The following MMP16 variants were observed in gnomAD, a reference collection of about 807,000 sequenced individuals.
MMP16 encodes matrix metalloproteinase-16.
MMP16 carries 12 observed loss-of-function variants against 67.8 expected under a neutral mutation model. The ratio of observed to expected loss-of-function variants is 0.18; its 90% CI spans 0.11 to 0.29. The LOEUF is 0.29. Ranked by LOEUF, MMP16 falls within the 10% of genes least tolerant of loss-of-function variation. The pLI, the probability that MMP16 is intolerant of heterozygous loss-of-function variation, is 1.00. For synonymous variants in MMP16, 249 were observed against 255.9 expected (o/e 0.97, Z 0.26); for missense variants, 475 against 765.7 (o/e 0.62, Z 4.48).
intron 7 of MMP16, among the ~76,000 whole-genome samples, chr8:88,059,967 A>G (rs1341099374): frequency 6.6e-6 from 1 of 151,646 alleles, no homozygotes; most frequent in Admixed American, 6.6e-5. Context: ...TGAAAGAGAA[A>G]AGAGAATGAG....
chr8:88,281,680 G>T (rs1810739978), intron 1 of MMP16, among the ~76,000 whole-genome samples: 1 of 152,162 alleles, frequency 6.6e-6, no homozygotes, highest in Non-Finnish European at 1.5e-5. Context: ...CTAGCCACAG[G>T]TAGCTGTCCC....
intron 1 of MMP16, among the ~76,000 whole-genome samples, chr8:88,215,183 A>T (rs2129828653): frequency 6.6e-6 from 1 of 152,132 alleles, no homozygotes; most frequent in African/African-American, 2.4e-5. Context: ...CAAAAAAATT[A>T]GCTGGGCGTG....
rs148256594 is a variant in MMP16 at position 88,298,755 on chromosome 8, C to T, written c.132+28320G>A. ...GCATGAATATATCTTTTCAATTTGG[C>T]GCTATTCTGTGATTAGCTACATAAT... On this transcript the variant is annotated intron_variant, in intron 1 of 9. Coordinates refer to ENST00000286614, the MANE Select transcript of MMP16 (RefSeq NM_005941.5). Among the ~76,000 whole-genome samples the T allele has an allele frequency of 6.3e-3, 966 of 152,158 alleles. 6 individuals carry two copies. The highest frequency in any genetic ancestry group is 0.022 in the African/African-American group (907 of 41,502).
chr8:88,034,166 T>C lies in MMP16; in HGVS notation c.*7295A>G, dbSNP rs1310610587. The C allele has an allele frequency of 6.6e-6, 1 of 151,486 alleles. No individual in the cohort carries two copies. The highest frequency in any genetic ancestry group is 1.9e-4 in the East Asian group (1 of 5,162). The allele number at this position is 151,486 out of a possible 1,614,324, so 9.4% of individuals were successfully genotyped here. On this transcript the variant is annotated 3_prime_UTR_variant, in exon 10 of 10. Coordinates refer to ENST00000286614, the MANE Select transcript of MMP16 (RefSeq NM_005941.5). ...AATACTGAGGAACAAAGACATTTCC[T>C]GGGTACCATCTCTGATGTACAATGC...
At chr8:88,290,874 C>T (rs749035633) in intron 1 of MMP16, among the ~76,000 whole-genome samples, 1 of 152,130 alleles carries the variant, frequency 6.6e-6, no homozygotes, top group Non-Finnish European at 1.5e-5. Flanking sequence ...ATATGATTTA[C>T]TCATATTTTA....
intron 6 of MMP16, among the ~76,000 whole-genome samples, chr8:88,104,834 G>T (rs1056684109): frequency 2.0e-5 from 3 of 150,862 alleles, no homozygotes; most frequent in Non-Finnish European, 3.0e-5. Context: ...GTGAGTGTTT[G>T]TGTCTTAGTT....
At chr8:88,048,355 C>A (rs1043078166) in intron 8 of MMP16, among the ~76,000 whole-genome samples, 1 of 152,154 alleles carries the variant, frequency 6.6e-6, no homozygotes, top group African/African-American at 2.4e-5. Context: ...TTCCAAGGAA[C>A]AAATTGTGAA....
At chr8:88,064,619 A>G (rs1219536550) in intron 7 of MMP16, among the ~76,000 whole-genome samples, 1 of 152,120 alleles carries the variant, frequency 6.6e-6, no homozygotes, top group African/African-American at 2.4e-5. Flanking sequence ...TGTCCCAATA[A>G]ATGGTTATAA....
chr8:88,052,526 C>A (rs1487346179), intron 8 of MMP16, among the ~76,000 whole-genome samples: 1 of 152,176 alleles, frequency 6.6e-6, no homozygotes, highest in African/African-American at 2.4e-5. Flanking sequence ...TAGAAGCCAG[C>A]ACAATCTGTG....
intron 1 of MMP16, among the ~76,000 whole-genome samples, chr8:88,291,223 G>A (rs1433692393): frequency 1.3e-5 from 2 of 152,116 alleles, no homozygotes; most frequent in Admixed American, 1.3e-4. Flanking sequence ...CAAGGTTGCA[G>A]TGAGCCATGA....
intron 1 of MMP16, among the ~76,000 whole-genome samples, chr8:88,305,690 G>C (rs1490200985): frequency 6.6e-6 from 1 of 152,148 alleles, no homozygotes; most frequent in Non-Finnish European, 1.5e-5. Context: ...AATGACTTTG[G>C]GGTAAATAAC....
chr8:88,285,268 T>A (rs1810809438), intron 1 of MMP16, among the ~76,000 whole-genome samples: 1 of 151,930 alleles, frequency 6.6e-6, no homozygotes, highest in South Asian at 2.1e-4. Flanking sequence ...GCCTCCCGAG[T>A]AGCTGGGATT....
At chr8:88,045,349 T>C (rs920615462) in intron 9 of MMP16, among the ~76,000 whole-genome samples, 1 of 151,986 alleles carries the variant, frequency 6.6e-6, no homozygotes, top group African/African-American at 2.4e-5. Flanking sequence ...TTTCTTTCTT[T>C]CTTTTTCTTA....
In MMP16 at chr8:88,293,018, C is replaced by G. The variant is rs957778738; in HGVS notation, c.132+34057G>C. On this transcript the variant is annotated intron_variant, in intron 1 of 9. Coordinates refer to ENST00000286614, the MANE Select transcript of MMP16 (RefSeq NM_005941.5). The stretch of plus-strand genomic sequence containing the variant: ...GAGTTCACAGTGCCTTCATGTCTAT[C>G]CACTTAACGCTCTAGAGTTCAACAG... 2.0e-5 allele frequency among the ~76,000 whole-genome samples: 3 copies of G among 152,150 alleles called. No individual in the cohort carries two copies. The East Asian group carries it at 5.8e-4, about 29-fold the overall frequency.
intron 1 of MMP16, among the ~76,000 whole-genome samples, chr8:88,227,737 A>G (rs948356025): frequency 6.6e-6 from 1 of 152,158 alleles, no homozygotes; most frequent in African/African-American, 2.4e-5. Context: ...AGACACTGCG[A>G]TATCTATAAA....
rs1259932484 is a variant in MMP16, at chr8:88,058,456, A to G, written c.1223-2178T>C. On this transcript the variant is annotated intron_variant, in intron 7 of 9. Coordinates refer to ENST00000286614, the MANE Select transcript of MMP16 (RefSeq NM_005941.5). The surrounding 1 kb of genome is among the most constrained non-coding windows in gnomAD (Gnocchi z 4.2). ...AGTGAACCAGAAGGTCAACATCTCT[A>G]TCTCATGAAGCTTAGATATCAGTGA... is the stretch of plus-strand genomic sequence containing the variant. Among the ~76,000 whole-genome samples the G allele has an allele frequency of 1.3e-5, 2 of 152,160 alleles. No individual in the cohort carries two copies. The highest frequency in any genetic ancestry group is 4.8e-5 in the African/African-American group (2 of 41,458).
chr8:88,277,818 G>T (rs1053903232), intron 1 of MMP16, among the ~76,000 whole-genome samples: 6 of 152,086 alleles, frequency 3.9e-5, no homozygotes, highest in Admixed American at 3.9e-4. Flanking sequence ...ATATCATTGG[G>T]TCTATGCATT....
chr8:88,130,140 T>C (rs933804990), intron 4 of MMP16, among the ~76,000 whole-genome samples: 1 of 151,814 alleles, frequency 6.6e-6, no homozygotes, highest in Non-Finnish European at 1.5e-5. Flanking sequence ...TGATAAATTA[T>C]CCTTAATGTA....
chr8:88,141,123 T>C lies in MMP16; in HGVS notation c.710-22262A>G, dbSNP rs28907597. On this transcript the variant is annotated intron_variant, in intron 4 of 9. Coordinates refer to ENST00000286614, the MANE Select transcript of MMP16 (RefSeq NM_005941.5). Reference sequence around the variant, plus strand: ...TCGAAGGGAGACAGCCTCCTTATAATTTCTTGTGAAAAAAGTTTGGCTCTC... The same window carrying C: ...TCGAAGGGAGACAGCCTCCTTATAACTTCTTGTGAAAAAAGTTTGGCTCTC... Among the ~76,000 whole-genome samples the C allele has an allele frequency of 9.8e-4, 150 of 152,320 alleles. 2 individuals are homozygous for C. The highest frequency in any genetic ancestry group is 3.4e-3 in the African/African-American group (141 of 41,578).
Sources: gnomAD v4.1 joint callset for allele counts (sites outside exome capture counted in the v4.1 genomes callset) on GRCh38, gnomAD v4.1.1 for gene constraint, Gnocchi (gnomAD v3.1) non-coding constraint, MANE v1.5 for transcripts, NCBI Gene and HGNC (gene_info 2026-07-23, HGNC 2026-07-21) for gene names.